ZNF251: variants seen among roughly 807,000 people sequenced by gnomAD.
ZNF251 encodes zinc finger protein 251.
In ZNF251, 14 loss-of-function variants were observed where a neutral mutation model predicts 13.5. That is an observed-to-expected ratio of 1.04 (90% CI 0.69 to 1.63). ZNF251 has a LOEUF of 1.63. ZNF251 is among the 40% of genes most tolerant of loss of function. The pLI is 0.00. For missense variants in ZNF251, 764 were observed against 834.9 expected (o/e 0.92, Z 1.05); for synonymous variants, 287 against 295.2 (o/e 0.97, Z 0.28).
chr8:144,728,319 C>A (rs1454613520), intron 4 of ZNF251, among the ~76,000 whole-genome samples: 2 of 151,972 alleles, frequency 1.3e-5, no homozygotes, highest in East Asian at 1.9e-4. Context: ...GAAACAATTA[C>A]AATAGCAACA....
chr8:144,723,836 A>G (rs1255510181), intron 4 of ZNF251, among the ~76,000 whole-genome samples: 1 of 152,252 alleles, frequency 6.6e-6, no homozygotes, highest in Non-Finnish European at 1.5e-5. Flanking sequence ...AGAAAATGCC[A>G]GGAGTGAGAT....
At position 144,754,692 on chromosome 8, in the gene ZNF251, T is replaced by C. The variant is rs1824873292; in HGVS notation, c.33+4A>G. Reference sequence around the variant, plus strand: ...GAGGTGGGCAGGAAGGAGGGTTAACTCACCTGGTGCCCTGGAAGCTGGAAT... The same window carrying C: ...GAGGTGGGCAGGAAGGAGGGTTAACCCACCTGGTGCCCTGGAAGCTGGAAT... On this transcript the variant is annotated splice_donor_region_variant and intron_variant, in intron 2 of 4. Coordinates refer to ENST00000292562, the MANE Select transcript of ZNF251 (RefSeq NM_138367.2). 1 of 1,608,808 alleles carries C rather than the reference T, an allele frequency of 6.2e-7. No individual in the cohort carries two copies.
intron 4 of ZNF251, among the ~76,000 whole-genome samples, chr8:144,736,772 G>A (rs1234523949): frequency 3.9e-5 from 6 of 151,974 alleles, no homozygotes; most frequent in Admixed American, 6.6e-5. Flanking sequence ...GATTACAGGC[G>A]TGAGCCACCG....
At position 144,724,236 on chromosome 8, in the gene ZNF251, C is replaced by T. The variant is rs945191660; in HGVS notation, c.278-854G>A. On this transcript the variant is annotated intron_variant, in intron 4 of 4. Coordinates refer to ENST00000292562, the MANE Select transcript of ZNF251 (RefSeq NM_138367.2). Reference sequence around the variant, plus strand: ...GAGATCGCGCCACTGCACTCCAGCCCGGGCAACAGAGCAAGACTCCGTCTC... The same window carrying T: ...GAGATCGCGCCACTGCACTCCAGCCTGGGCAACAGAGCAAGACTCCGTCTC... 1.4e-4 allele frequency among the ~76,000 whole-genome samples: 19 copies of T among 131,088 alleles called. No homozygotes were observed. The East Asian group carries it at 1.8e-3, about 13-fold the overall frequency. 86.0% of individuals were successfully genotyped at this position (131,088 alleles called of 152,430 possible). A position where few individuals can be genotyped will look rare whatever the true frequency, so the allele number is the denominator to read the frequency against.
intron 4 of ZNF251, among the ~76,000 whole-genome samples, chr8:144,738,036 G>C (rs1823983935): frequency 6.6e-6 from 1 of 151,974 alleles, no homozygotes; most frequent in Non-Finnish European, 1.5e-5. Flanking sequence ...TCATGTTTTG[G>C]AGACAAGAGT....
intron 4 of ZNF251, among the ~76,000 whole-genome samples, chr8:144,749,802 G>A (rs921850936): frequency 5.3e-5 from 8 of 151,856 alleles, no homozygotes; most frequent in Non-Finnish European, 1.2e-4. Flanking sequence ...GCCTGTCAAA[G>A]GCACTGTTCC....
rs1421374416 is a variant in ZNF251, at chr8:144,734,842, G to C, written c.278-11460C>G. On this transcript the variant is annotated intron_variant, in intron 4 of 4. Coordinates refer to ENST00000292562, the MANE Select transcript of ZNF251 (RefSeq NM_138367.2). This position sits in a 1 kb window ranked among gnomAD's most constrained non-coding sequence, Gnocchi z 4.4. Reference sequence around the variant, plus strand: ...TAATCCCAGCACTTTGGGAGGCCGAGGTGGGTAGATCACCTGAGGTCAGGA... The same window carrying C: ...TAATCCCAGCACTTTGGGAGGCCGACGTGGGTAGATCACCTGAGGTCAGGA... Among the ~76,000 whole-genome samples, 1 of 152,196 alleles carries C rather than the reference G, an allele frequency of 6.6e-6. No homozygotes were observed. The highest frequency in any genetic ancestry group is 2.4e-5 in the African/African-American group (1 of 41,446).
In ZNF251 at chr8:144,737,749, G is replaced by A. The variant is rs564643901; in HGVS notation, c.278-14367C>T. Among the ~76,000 whole-genome samples, 6 of 147,922 alleles carry A rather than the reference G, an allele frequency of 4.1e-5. No individual in the cohort carries two copies. The East Asian group carries it at 8.1e-4, about 20-fold the overall frequency. ...TGGGAGGCTGAGGCAGGAGAATGGC[G>A]TGAACCCGGGAGGCAGAGCTTGCAG... On this transcript the variant is annotated intron_variant, in intron 4 of 4. Transcript: ENST00000292562.
intron 4 of ZNF251, among the ~76,000 whole-genome samples, chr8:144,729,587 C>T (rs1342905461): frequency 2.6e-5 from 4 of 152,130 alleles, no homozygotes; most frequent in African/African-American, 4.8e-5. Flanking sequence ...CCACCCGCCT[C>T]GGCCTCCCAA....
intron 4 of ZNF251, among the ~76,000 whole-genome samples, chr8:144,736,500 TTTA>T (rs1823900407): frequency 6.8e-6 from 1 of 147,030 alleles, no homozygotes; most frequent in Non-Finnish European, 1.5e-5. Flanking sequence ...TATTTATTTA[TTTA>T]TTTTTGAGAC....
At chr8:144,732,841 A>G (rs1261915589) in intron 4 of ZNF251, among the ~76,000 whole-genome samples, 1 of 150,920 alleles carries the variant, frequency 6.6e-6, no homozygotes, top group Non-Finnish European at 1.5e-5. Context: ...TACATTGGAC[A>G]GCCTTAGAAC....
At chr8:144,745,236 C>A (rs1262098785) in intron 4 of ZNF251, among the ~76,000 whole-genome samples, 1 of 146,790 alleles carries the variant, frequency 6.8e-6, no homozygotes, top group African/African-American at 2.5e-5. Flanking sequence ...TATTCCAGCA[C>A]CATTTCTTGA....
Position 144,755,400 on chromosome 8 carries a change from C to T in ZNF251, c.-76+5G>A, listed in dbSNP as rs1824917395. 2 of 1,288,410 alleles carry T rather than the reference C, an allele frequency of 1.6e-6. No individual in the cohort carries two copies. Among genetic ancestry groups the T allele is most frequent in the African/African-American group, 1.5e-5 (1 of 65,920 alleles). 79.8% of individuals were successfully genotyped at this position (1,288,410 alleles called of 1,614,324 possible). ...GCGCTCCTTCCTGGTCCGACACTGC[C>T]CCACCTGTTTGCTCGACCCGGGGAA... On this transcript the variant is annotated splice_donor_5th_base_variant and intron_variant, in intron 1 of 4. Transcript: ENST00000292562.
intron 4 of ZNF251, among the ~76,000 whole-genome samples, chr8:144,739,822 G>A (rs1241786459): frequency 6.6e-6 from 1 of 151,974 alleles, no homozygotes; most frequent in African/African-American, 2.4e-5. Context: ...TTGAACCTGG[G>A]AGGGTAAGGC....
Position 144,722,430 on chromosome 8 carries a change from G to A in ZNF251, c.1230C>T (p.Cys410=), listed in dbSNP as rs369726950. 34 of 1,613,658 alleles carry A rather than the reference G, an allele frequency of 2.1e-5. No individual in the cohort carries two copies. Among genetic ancestry groups the A allele is most frequent in the Admixed American group, 6.7e-5 (4 of 59,970 alleles). Residue 410 remains cysteine, a synonymous_variant, in exon 5 of 5, where the codon TGC becomes TGT. Coordinates refer to ENST00000292562, the MANE Select transcript of ZNF251 (RefSeq NM_138367.2). The surrounding 1 kb of genome is among the most constrained non-coding windows in gnomAD (Gnocchi z 4.8). The part of the protein sequence containing the change: ...TGEKPYVCNE[C]GRAFGFNSHL... ...GAGAGTTAAAACCAAAGGCTCTGCC[G>A]CATTCATTACATACATAGGGTTTCT...
intron 4 of ZNF251, among the ~76,000 whole-genome samples, chr8:144,748,936 CAGG>C (rs1824559149): frequency 6.6e-6 from 1 of 152,108 alleles, no homozygotes; most frequent in Non-Finnish European, 1.5e-5. Flanking sequence ...GAGGCCAAAG[CAGG>C]AGGACTGCTT....
chr8:144,747,911 T>C (rs924274910), intron 4 of ZNF251, among the ~76,000 whole-genome samples: 5 of 151,328 alleles, frequency 3.3e-5, no homozygotes, highest in Non-Finnish European at 7.4e-5. Context: ...CGTGTCCAGC[T>C]GGTTTTGTGG....
At chr8:144,748,293 T>TG (rs961941860) in intron 4 of ZNF251, among the ~76,000 whole-genome samples, 2 of 150,544 alleles carry the variant, frequency 1.3e-5, no homozygotes, top group African/African-American at 4.9e-5. Context: ...AGGCTAGTCT[T>TG]GAACTCCTGA....
chr8:144,742,077 C>G (rs1431076703), intron 4 of ZNF251, among the ~76,000 whole-genome samples: 2 of 152,062 alleles, frequency 1.3e-5, no homozygotes, highest in East Asian at 3.9e-4. Flanking sequence ...AAACGACAGG[C>G]AGCTCACCTC....
Sources: allele counts gnomAD v4.1 joint callset (sites outside exome capture counted in the v4.1 genomes callset), GRCh38; gene constraint gnomAD v4.1.1; non-coding constraint Gnocchi (gnomAD v3.1); transcripts MANE v1.5; gene names NCBI Gene and HGNC (gene_info 2026-07-23, HGNC 2026-07-21).